CADM2: variants seen among roughly 807,000 people sequenced by gnomAD.
CADM2 encodes the protein cell adhesion molecule 2, also known as immunoglobulin superfamily member 4D.
Under a neutral mutation model 49.8 loss-of-function variants are expected in CADM2, and 12 were observed. That is an observed-to-expected ratio of 0.24 (90% CI 0.15 to 0.39). The LOEUF (loss-of-function observed/expected upper bound fraction) is 0.39, where lower values mean the gene tolerates loss of function less well. CADM2 is among the 10% of genes least tolerant of loss of function. The pLI is 1.00. For missense variants in CADM2, 378 were observed against 492.3 expected, an observed-to-expected ratio of 0.77 and a Z score of 2.20; for synonymous variants, 214 against 175.4, an observed-to-expected ratio of 1.22 and a Z score of -1.74.
chr3:85,734,952 A>G (rs1430359126), intron 2 of CADM2, among the ~76,000 whole-genome samples: 1 of 147,400 alleles, frequency 6.8e-6, no homozygotes, highest in Non-Finnish European at 1.5e-5. Context: ...GTTCTATTTT[A>G]AAATGTAGCA....
At chr3:85,627,472 C>A (rs1576966216) in intron 1 of CADM2, among the ~76,000 whole-genome samples, 1 of 151,862 alleles carries the variant, frequency 6.6e-6, no homozygotes, top group Non-Finnish European at 1.5e-5. Flanking sequence ...GTGATACATT[C>A]TTTAGTGAAT....
chr3:84,996,249 A>G (rs1173021415), intron 1 of CADM2, among the ~76,000 whole-genome samples: 1 of 152,156 alleles, frequency 6.6e-6, no homozygotes, highest in Non-Finnish European at 1.5e-5. Flanking sequence ...GTTTTCATTA[A>G]AATAGTAGCA....
intron 1 of CADM2, among the ~76,000 whole-genome samples, chr3:85,099,896 TAGTG>T (rs1277776179): frequency 3.3e-5 from 5 of 152,198 alleles, no homozygotes; most frequent in Non-Finnish European, 7.3e-5. Context: ...AACAGAGCAA[TAGTG>T]AGTGTACATA....
chr3:85,102,063 T>TA, intron 1 of CADM2, among the ~76,000 whole-genome samples: 1 of 152,200 alleles, frequency 6.6e-6, no homozygotes, highest in African/African-American at 2.4e-5. Context: ...CCTGATTTTG[T>TA]AAAAAATAAA....
chr3:85,506,963 A>G (rs1018797036), intron 1 of CADM2, among the ~76,000 whole-genome samples: 2 of 152,188 alleles, frequency 1.3e-5, no homozygotes, highest in Non-Finnish European at 2.9e-5. Flanking sequence ...TTAAAGCACT[A>G]TGCTACAGAA....
intron 1 of CADM2, among the ~76,000 whole-genome samples, chr3:85,228,928 G>T (rs1036335044): frequency 6.6e-6 from 1 of 152,130 alleles, no homozygotes; most frequent in Non-Finnish European, 1.5e-5. Flanking sequence ...CCACAGGTCC[G>T]CCTTTCCCCA....
chr3:85,698,563 A>G (rs867855086), intron 1 of CADM2, among the ~76,000 whole-genome samples: 10 of 152,124 alleles, frequency 6.6e-5, no homozygotes, highest in South Asian at 2.1e-4. Context: ...GGGAACTGCC[A>G]CTTCACATGG....
intron 2 of CADM2, among the ~76,000 whole-genome samples, chr3:85,788,768 C>T (rs2071156992): frequency 6.6e-6 from 1 of 151,522 alleles, no homozygotes; most frequent in Admixed American, 6.6e-5. Flanking sequence ...TCCTTATAAT[C>T]TTTATCGTAT....
intron 8 of CADM2, among the ~76,000 whole-genome samples, chr3:86,060,712 G>A (rs78447146): frequency 0.015 from 2,233 of 152,106 alleles, 49 homozygotes; most frequent in African/African-American, 0.051. Flanking sequence ...GGCCGGATGC[G>A]GTGACTCACG....
At chr3:85,812,451 G>A (rs182744478) in intron 3 of CADM2, among the ~76,000 whole-genome samples, 6 of 152,208 alleles carry the variant, frequency 3.9e-5, no homozygotes, top group African/African-American at 1.4e-4. Flanking sequence ...GATTTCTGGT[G>A]ACATAGTGTC....
rs527427909 is a variant in CADM2, at chr3:85,922,403, A to C, written c.700+9860A>C. Among the ~76,000 whole-genome samples, 3 of 152,022 alleles carry C rather than the reference A, an allele frequency of 2.0e-5. No homozygotes were observed. In the South Asian group the frequency reaches 6.2e-4, roughly 32 times the overall value. On this transcript the variant is annotated intron_variant, in intron 6 of 9. Coordinates refer to ENST00000383699, the MANE Select transcript of CADM2 (RefSeq NM_001167675.2). ...CTGGGCCACACTTTTTTTGTTTTAT[A>C]CTCTAAGTCTTTTTTTTAATGACGT...
chr3:85,585,037 G>T (rs1278076207), intron 1 of CADM2, among the ~76,000 whole-genome samples: 1 of 151,936 alleles, frequency 6.6e-6, no homozygotes. Flanking sequence ...AATATTAAAT[G>T]GAAACTTCTA....
At chr3:85,514,003 G>T (rs745536568) in intron 1 of CADM2, among the ~76,000 whole-genome samples, 1 of 152,032 alleles carries the variant, frequency 6.6e-6, no homozygotes, top group Admixed American at 6.6e-5. Context: ...TATAGACTGG[G>T]TCAAGCATCG....
chr3:85,747,047 C>A (rs2068647929), intron 2 of CADM2, among the ~76,000 whole-genome samples: 1 of 152,012 alleles, frequency 6.6e-6, no homozygotes, highest in South Asian at 2.1e-4. Flanking sequence ...AAGACCAAAG[C>A]AGATCTGGAA....
At chr3:85,484,783 A>T (rs1375483779) in intron 1 of CADM2, among the ~76,000 whole-genome samples, 2 of 152,006 alleles carry the variant, frequency 1.3e-5, no homozygotes, top group Non-Finnish European at 2.9e-5. Context: ...TATTGACCTC[A>T]TTGATGGTTT....
chr3:85,291,476 C>T (rs1479187484), intron 1 of CADM2, among the ~76,000 whole-genome samples: 1 of 148,288 alleles, frequency 6.7e-6, no homozygotes, highest in Non-Finnish European at 1.5e-5. Flanking sequence ...AACTCCAAGA[C>T]ACATAATTGT....
At chr3:85,043,199 C>T (rs1178260029) in intron 1 of CADM2, among the ~76,000 whole-genome samples, 1 of 151,998 alleles carries the variant, frequency 6.6e-6, no homozygotes, top group East Asian at 1.9e-4. Flanking sequence ...TCGTCTCATG[C>T]AGGGAAGGTG....
At chr3:86,039,683 C>T (rs1038865594) in intron 8 of CADM2, among the ~76,000 whole-genome samples, 1 of 152,176 alleles carries the variant, frequency 6.6e-6, no homozygotes, top group Non-Finnish European at 1.5e-5. Flanking sequence ...CAAAAGGCAG[C>T]AGAATCCTCT....
rs1379077861 is a variant in CADM2, at chr3:86,066,350, AAAAAAAAAG to A, written c.1097-313_1097-305del. ...TCCGTCTCAAAAAAAAAAAAAAAAA[AAAAAAAAAG>A]ATCTTAACAAAAGACCCTGTTTGCT... is the stretch of plus-strand genomic sequence containing the variant. On this transcript the variant is annotated intron_variant, in intron 9 of 9. Transcript: ENST00000383699. Among the ~76,000 whole-genome samples the A allele has an allele frequency of 1.4e-4, 21 of 150,076 alleles. 1 individual carries two copies. Among genetic ancestry groups the A allele is most frequent in the Non-Finnish European group, 2.4e-4 (16 of 67,612 alleles).
Sources: allele counts gnomAD v4.1 joint callset (sites outside exome capture counted in the v4.1 genomes callset), GRCh38; gene constraint gnomAD v4.1.1; transcripts MANE v1.5; gene names NCBI Gene and HGNC (gene_info 2026-07-23, HGNC 2026-07-21).